Variants in GPHN observed in about 807,000 individuals in gnomAD.
The protein encoded by GPHN is gephyrin.
In GPHN, 17 loss-of-function variants were observed where a neutral mutation model predicts 95.5. That is an observed-to-expected ratio of 0.18 (90% CI 0.12 to 0.27). The LOEUF (loss-of-function observed/expected upper bound fraction) is 0.27. GPHN is among the 10% of genes least tolerant of loss of function. The pLI, the probability that GPHN is intolerant of heterozygous loss-of-function variation, is 1.00. For missense variants in GPHN, 660 were observed against 978.1 expected (o/e 0.67, Z 4.34); for synonymous variants, 320 against 322.5 (o/e 0.99, Z 0.08).
chr14:66,898,055 T>A (rs1006479839), intron 5 of GPHN, among the ~76,000 whole-genome samples: 1 of 152,068 alleles, frequency 6.6e-6, no homozygotes, highest in Non-Finnish European at 1.5e-5. Context: ...CTGTGTTTTT[T>A]AGTTTTTTTA....
intron 13 of GPHN, among the ~76,000 whole-genome samples, chr14:67,104,485 T>A (rs1255152191): frequency 6.6e-6 from 1 of 152,186 alleles, no homozygotes; most frequent in Admixed American, 6.5e-5. Context: ...AGTCATCAGA[T>A]CTTGGGCTTT....
chr14:67,467,979 T>A, the GPHN span: 1 of 132,162 alleles, frequency 7.6e-6, no homozygotes, highest in Non-Finnish European at 1.5e-5. Context: ...GCTATTTCAA[T>A]TTTTTTTTTT....
intron 4 of GPHN, among the ~76,000 whole-genome samples, chr14:66,857,548 T>C (rs2062851273): frequency 6.6e-6 from 1 of 152,192 alleles, no homozygotes; most frequent in Admixed American, 6.6e-5. Flanking sequence ...GAGAATTGTT[T>C]ATTAAGCAAA....
intron 10 of GPHN, among the ~76,000 whole-genome samples, chr14:67,041,773 G>C (rs1335591151): frequency 2.6e-5 from 4 of 152,150 alleles, no homozygotes; most frequent in Non-Finnish European, 5.9e-5. Flanking sequence ...TCTAATTCTA[G>C]ATCTTTGATG....
chr14:67,536,944 G>T, the GPHN span, among the ~76,000 whole-genome samples: 1 of 151,416 alleles, frequency 6.6e-6, no homozygotes, highest in African/African-American at 2.4e-5. Context: ...GGAGGCTGAG[G>T]CAGGAAAATT....
chr14:67,249,702 A>G, the GPHN span, among the ~76,000 whole-genome samples: 2 of 152,182 alleles, frequency 1.3e-5, no homozygotes, highest in Non-Finnish European at 2.9e-5. Context: ...ACTTCACACA[A>G]AAAGTTGAGG....
the GPHN span, chr14:67,593,613 T>G: frequency 1.6e-6 from 1 of 611,294 alleles, no homozygotes; most frequent in Non-Finnish European, 2.9e-6. Context: ...CTGCATCTCT[T>G]TAAAAATAAA....
chr14:66,861,713 C>T (rs944805474), intron 4 of GPHN, among the ~76,000 whole-genome samples: 24 of 151,924 alleles, frequency 1.6e-4, no homozygotes, highest in African/African-American at 2.4e-5. Flanking sequence ...TATACAAACA[C>T]GTGGAAATTA....
At chr14:67,020,038 G>A (rs1443404061) in intron 9 of GPHN, among the ~76,000 whole-genome samples, 3 of 152,142 alleles carry the variant, frequency 2.0e-5, no homozygotes, top group Non-Finnish European at 4.4e-5. Flanking sequence ...CATTATGCAT[G>A]CATCTTTCAC....
intron 12 of GPHN, among the ~76,000 whole-genome samples, chr14:67,098,823 A>C (rs1595126970): frequency 8.0e-6 from 1 of 124,598 alleles, no homozygotes; most frequent in East Asian, 2.0e-4. Flanking sequence ...ACTCCATCTC[A>C]AAAAAAAAAA....
chr14:67,255,012 G>T, the GPHN span, among the ~76,000 whole-genome samples: 2 of 152,182 alleles, frequency 1.3e-5, no homozygotes, highest in South Asian at 4.1e-4. Flanking sequence ...AGCTGGGTGT[G>T]GTGGCGCACG....
the GPHN span, chr14:67,199,994 C>T: frequency 9.5e-7 from 1 of 1,056,690 alleles, no homozygotes; most frequent in Non-Finnish European, 1.4e-6. Flanking sequence ...ATGCAGCTGG[C>T]ACACCATGGA....
At chr14:66,880,157 G>C in intron 5 of GPHN, 124 bp downstream of exon 5, 1 of 706,996 alleles carries the variant, frequency 1.4e-6, no homozygotes, top group South Asian at 1.5e-5. Flanking sequence ...AAAGTTCTTA[G>C]CTTATACTAA....
chr14:67,144,720 C>A (rs908606258), intron 18 of GPHN, among the ~76,000 whole-genome samples: 1 of 152,146 alleles, frequency 6.6e-6, no homozygotes, highest in Non-Finnish European at 1.5e-5. Flanking sequence ...AAATTTATAA[C>A]CTGACTCTTT....
chr14:67,323,257 G>A, the GPHN span, among the ~76,000 whole-genome samples: 2 of 134,624 alleles, frequency 1.5e-5, no homozygotes, highest in Admixed American at 7.6e-5. Flanking sequence ...GTGTGTGTGT[G>A]TGTGTATATA....
chr14:67,656,439 G>C, the GPHN span: 4 of 1,613,112 alleles, frequency 2.5e-6, no homozygotes, highest in Non-Finnish European at 3.4e-6. Flanking sequence ...CGTTCTAACT[G>C]GTCTCGTTGT....
chr14:66,561,632 T>C (rs992459202), intron 1 of GPHN, among the ~76,000 whole-genome samples: 17 of 152,206 alleles, frequency 1.1e-4, no homozygotes, highest in African/African-American at 4.1e-4. Flanking sequence ...GTTTATCTTA[T>C]ATCTAGTTTT....
At chr14:67,213,097 T>G in the GPHN span, among the ~76,000 whole-genome samples, 2 of 114,126 alleles carry the variant, frequency 1.8e-5, no homozygotes, top group Admixed American at 1.1e-4. Flanking sequence ...TCTGTGGTGT[T>G]TTTTTTTTTT....
chr14:67,729,336 C>T, the GPHN span: 4 of 1,599,000 alleles, frequency 2.5e-6, no homozygotes, highest in Non-Finnish European at 3.4e-6. Flanking sequence ...GCCTGCACTG[C>T]GCCCTGGCTG....
Sources: allele counts gnomAD v4.1 joint callset (sites outside exome capture counted in the v4.1 genomes callset), GRCh38; gene constraint gnomAD v4.1.1; transcripts MANE v1.5; gene names NCBI Gene and HGNC (gene_info 2026-07-23, HGNC 2026-07-21).